Variants in MYH11 observed in about 807,000 individuals in gnomAD.
The protein encoded by MYH11 is myosin-11.
Under a neutral mutation model 246.6 loss-of-function variants are expected in MYH11, and 80 were observed. The observed-to-expected ratio is 0.32, with a 90% CI of 0.27 to 0.39. The LOEUF is 0.39. Among genes scored for constraint, MYH11 ranks in the 10% least tolerant of loss-of-function variants. The pLI, the probability that MYH11 is intolerant of heterozygous loss-of-function variation, is 1.00. For synonymous variants in MYH11, 1,071 were observed against 1,015.5 expected (o/e 1.05, Z -1.04); for missense variants, 2,158 against 2,546.8 (o/e 0.85, Z 3.29).
chr16:15,804,296 C>T (rs1186728258), intron 3 of MYH11, among the ~76,000 whole-genome samples: 1 of 152,024 alleles, frequency 6.6e-6, no homozygotes, highest in African/African-American at 2.4e-5. Flanking sequence ...TTTGGGAGGC[C>T]GACACAGCTG....
In MYH11 at chr16:15,818,375, C is replaced by T. The variant is rs544459412; in HGVS notation, c.502+4880G>A. On this transcript the variant is annotated intron_variant, in intron 3 of 40. Transcript: ENST00000300036. ...ATGGAGAAAAAATTAAGCAGGTGAACGGAATTCTTCCCAAGCTTAAATTTT... is the reference window on the plus strand; with the variant it reads ...ATGGAGAAAAAATTAAGCAGGTGAATGGAATTCTTCCCAAGCTTAAATTTT... Among the ~76,000 whole-genome samples the T allele has an allele frequency of 2.6e-5, 4 of 152,246 alleles. No homozygotes were observed. In the South Asian group the frequency reaches 8.3e-4, roughly 32 times the overall value.
chr16:15,805,207 T>C (rs1401944644), intron 3 of MYH11, among the ~76,000 whole-genome samples: 1 of 152,200 alleles, frequency 6.6e-6, no homozygotes, highest in African/African-American at 2.4e-5. Context: ...TGGTCATTTA[T>C]TGTATTGCAT....
chr16:15,726,120 G>C (rs1029467338), intron 28 of MYH11: 1 of 163,776 alleles, frequency 6.1e-6, no homozygotes, highest in Admixed American at 6.4e-5. Context: ...CCTCCCCCAG[G>C]TTAGGCCCCC....
At chr16:15,780,833 T>A (rs1361398866) in intron 6 of MYH11, among the ~76,000 whole-genome samples, 1 of 152,178 alleles carries the variant, frequency 6.6e-6, no homozygotes, top group Non-Finnish European at 1.5e-5. Flanking sequence ...TTTAAAATGT[T>A]GTTCTAATAC....
intron 40 of MYH11, chr16:15,713,138 G>A (rs557027084): frequency 1.5e-4 from 23 of 152,100 alleles, no homozygotes; most frequent in African/African-American, 5.3e-4. Flanking sequence ...GCAAATGAAA[G>A]AGAAAACCTT....
chr16:15,841,524 T>G (rs2044051026), intron 1 of MYH11, among the ~76,000 whole-genome samples: 1 of 152,204 alleles, frequency 6.6e-6, no homozygotes, highest in Non-Finnish European at 1.5e-5. Context: ...AAATTGTTCC[T>G]TAGGGTAACT....
intron 33 of MYH11, 121 bp from the exon 34 acceptor site, chr16:15,720,433 AT>A: frequency 1.0e-5 from 14 of 1,333,900 alleles, no homozygotes; most frequent in Non-Finnish European, 1.4e-5. Flanking sequence ...TGGGCATCTC[AT>A]CCCCAGTTGC....
intron 23 of MYH11, among the ~76,000 whole-genome samples, chr16:15,739,230 G>A (rs551755721): frequency 2.0e-5 from 3 of 151,992 alleles, no homozygotes; most frequent in African/African-American, 7.2e-5. Context: ...CTCCCGAGTA[G>A]CTGGGACTAC....
At position 15,724,345 on chromosome 16, in the gene MYH11, T is replaced by C; in HGVS notation, c.4181A>G (p.Lys1394Arg). 6.2e-7 allele frequency: 1 copy of C among 1,614,142 alleles called. No homozygotes were observed. Among genetic ancestry groups the C allele is most frequent in the South Asian group, 1.1e-5 (1 of 91,080 alleles). Residue 1394 changes from lysine (K) to arginine (R), a missense_variant, in exon 31 of 41, where the codon AAG becomes AGG. Around this residue, in one of 11 missense-constraint regions of MYH11, gnomAD observed 1,013 missense variants for 993.5 expected, o/e 1.02. Transcript: ENST00000300036. ...CTCGATCTCCTTCTGGAACCTCTTCTTCCCCTCTTCCAGAGCTTCCACGGT... is the reference window on the plus strand; with the variant it reads ...CTCGATCTCCTTCTGGAACCTCTTCCTCCCCTCTTCCAGAGCTTCCACGGT... The part of the protein sequence containing the change: ...ASTVEALEEG[K>R]KRFQKEIENL...
intron 2 of MYH11, among the ~76,000 whole-genome samples, chr16:15,827,635 C>T (rs576853294): frequency 5.8e-4 from 88 of 152,286 alleles, no homozygotes; most frequent in Non-Finnish European, 2.9e-5. Flanking sequence ...TCCGGGGAAC[C>T]CCCTTTCTCC....
At chr16:15,777,362 C>T (rs1003648094) in intron 7 of MYH11, among the ~76,000 whole-genome samples, 3 of 152,176 alleles carry the variant, frequency 2.0e-5, no homozygotes, top group South Asian at 2.1e-4. Context: ...CTCAAGTGGT[C>T]TGCCCGCCTC....
At chr16:15,803,627 G>A (rs971503921) in intron 3 of MYH11, among the ~76,000 whole-genome samples, 1 of 152,144 alleles carries the variant, frequency 6.6e-6, no homozygotes, top group Non-Finnish European at 1.5e-5. Flanking sequence ...GAACCTCCTG[G>A]GACCGGCCCA....
At chr16:15,782,666 C>G in intron 5 of MYH11, 189 bp from the exon 6 acceptor site, 1 of 602,076 alleles carries the variant, frequency 1.7e-6, no homozygotes, top group Non-Finnish European at 3.0e-6. Flanking sequence ...ACTGTCTGAG[C>G]TCTCTAATAG....
chr16:15,740,123 C>A lies in MYH11; in HGVS notation c.2925G>T (p.Thr975=), dbSNP rs566872637. The change falls in exon 23 of 41, where the codon ACG becomes ACT. Residue 975 remains threonine, a synonymous_variant. Coordinates refer to ENST00000300036, the MANE Select transcript of MYH11 (RefSeq NM_002474.3). The part of the protein sequence containing the change: ...ARQKLQLEKV[T]AEAKIKKLED... ...CCAGTTTCTTGATCTTGGCCTCAGCCGTGACCTTCTCAAGTTGCAGCTTCT... is the reference window on the plus strand; with the variant it reads ...CCAGTTTCTTGATCTTGGCCTCAGCAGTGACCTTCTCAAGTTGCAGCTTCT... 9.3e-6 allele frequency: 15 copies of A among 1,614,214 alleles called. No homozygotes were observed. The highest frequency in any genetic ancestry group is 8.9e-5 in the East Asian group (4 of 44,876).
In MYH11 at chr16:15,704,091, C is replaced by G; in HGVS notation, c.5819G>C (p.Arg1940Thr). ...AATAACTCTACGTCCTCCAGACCTT[C>G]TAGAAGGAACGAAAGAGGTCTCGTT... ...RGNETSFVPS[R>T]RSGGRRVIEN... The change falls in exon 41 of 41, where the codon AGA becomes ACA. Residue 1940 changes from arginine to threonine, a missense_variant. This residue lies in a region of MYH11 where 1,013 missense variants were observed against 993.5 expected (regional missense o/e 1.02). Coordinates refer to ENST00000300036, the MANE Select transcript of MYH11 (RefSeq NM_002474.3). The G allele has an allele frequency of 6.2e-7, 1 of 1,614,084 alleles. No individual in the cohort carries two copies. Among genetic ancestry groups the G allele is most frequent in the Non-Finnish European group, 8.5e-7 (1 of 1,180,020 alleles).
intron 26 of MYH11, 30 bp from the exon 27 acceptor site, chr16:15,732,738 T>C: frequency 1.9e-6 from 3 of 1,613,930 alleles, no homozygotes; most frequent in South Asian, 1.1e-5. Flanking sequence ...TGAATGGCAG[T>C]TGGGTGGAGA....
rs78547815 is a variant in MYH11, at chr16:15,832,425, G to A, written c.345+5483C>T. 1.3e-3 allele frequency among the ~76,000 whole-genome samples: 202 copies of A among 152,190 alleles called. 2 individuals are homozygous for A. The East Asian group carries it at 0.014, about 11-fold the overall frequency. On this transcript the variant is annotated intron_variant, in intron 2 of 40. Coordinates refer to ENST00000300036, the MANE Select transcript of MYH11 (RefSeq NM_002474.3). ...TGTGAGTGAACAAAAGAGGTGCCACGGTCAATGGTTACCATGGCCTGGGAG... is the reference window on the plus strand; with the variant it reads ...TGTGAGTGAACAAAAGAGGTGCCACAGTCAATGGTTACCATGGCCTGGGAG...
rs780513192 is a variant in MYH11, at chr16:15,772,380, C to T, written c.890-668G>A. 1.6e-4 allele frequency among the ~76,000 whole-genome samples: 24 copies of T among 152,108 alleles called. 1 individual carries two copies. The highest frequency in any genetic ancestry group is 2.6e-4 in the Non-Finnish European group (18 of 68,028). On this transcript the variant is annotated intron_variant, in intron 8 of 40. Coordinates refer to ENST00000300036, the MANE Select transcript of MYH11 (RefSeq NM_002474.3). ...GTTCTGGGATTACAGACGTGAGCCA[C>T]CGCACCTGGCCTTATTCATGTATTT...
intron 3 of MYH11, among the ~76,000 whole-genome samples, chr16:15,801,521 G>A (rs2042885608): frequency 6.6e-6 from 1 of 151,576 alleles, no homozygotes; most frequent in Non-Finnish European, 1.5e-5. Context: ...AATTAGCTAT[G>A]TGTGATAGAC....
Sources: gnomAD v4.1 joint callset for allele counts (sites outside exome capture counted in the v4.1 genomes callset) on GRCh38, gnomAD v4.1.1 for gene constraint, gnomAD v4.1.1 regional missense constraint, MANE v1.5 for transcripts, NCBI Gene and HGNC (gene_info 2026-07-23, HGNC 2026-07-21) for gene names.